STON2: variants seen among roughly 807,000 people sequenced by gnomAD.
STON2 encodes stonin-2.
In STON2, 29 loss-of-function variants were observed where a neutral mutation model predicts 65.7. That is an observed-to-expected ratio of 0.44 (90% CI 0.33 to 0.60). STON2 has a LOEUF of 0.60. Among genes scored for constraint, STON2 ranks in the 20% least tolerant of loss-of-function variants. STON2 has a pLI of 0.03. For synonymous variants in STON2, 404 were observed against 414.2 expected (o/e 0.98, Z 0.30); for missense variants, 1,054 against 1,118.1 (o/e 0.94, Z 0.82).
intron 3 of STON2, among the ~76,000 whole-genome samples, chr14:81,394,148 A>G (rs1048319675): frequency 7.2e-5 from 11 of 152,014 alleles, no homozygotes; most frequent in African/African-American, 2.7e-4. Context: ...CTGAGATTGC[A>G]CCACTGCACT....
At chr14:81,314,489 G>C (rs573847077) in intron 5 of STON2, among the ~76,000 whole-genome samples, 119 of 152,362 alleles carry the variant, frequency 7.8e-4, no homozygotes, top group Non-Finnish European at 1.0e-3. Context: ...CAGCAACAAA[G>C]AGTGAACCAG....
chr14:81,424,701 C>T lies in STON2; in HGVS notation c.-199+2401G>A, dbSNP rs201888702. On this transcript the variant is annotated intron_variant, in intron 2 of 8. Coordinates refer to the STON2 transcript ENST00000553821. ...ACAGGATCCTTTGACCTTGTGACTT[C>T]CTGGGCTCTCATCTCAGTGGCTAAG... 2.6e-5 allele frequency among the ~76,000 whole-genome samples: 4 copies of T among 152,238 alleles called. No individual in the cohort carries two copies. The East Asian group carries it at 7.7e-4, about 29-fold the overall frequency.
chr14:81,288,034 T>C (rs1183755539), intron 5 of STON2, among the ~76,000 whole-genome samples: 3 of 152,218 alleles, frequency 2.0e-5, no homozygotes, highest in African/African-American at 4.8e-5. Flanking sequence ...CTGGCATCTA[T>C]GGTAAACTGA....
At chr14:81,370,956 G>A (rs1898956874) in intron 4 of STON2, 32 bp downstream of exon 4, 2 of 1,599,988 alleles carry the variant, frequency 1.3e-6, no homozygotes, top group African/African-American at 2.7e-5. Flanking sequence ...AAAGTGATTT[G>A]CAAAGCCCTC....
chr14:81,333,632 C>T (rs1897281515), intron 4 of STON2, among the ~76,000 whole-genome samples: 1 of 152,182 alleles, frequency 6.6e-6, no homozygotes, highest in Non-Finnish European at 1.5e-5. Context: ...AACTTCCTCT[C>T]TAGACAGCAA....
At position 81,396,076 on chromosome 14, in the gene STON2, G is replaced by T. The variant is rs1208067426; in HGVS notation, c.191C>A (p.Ser64Tyr). The T allele has an allele frequency of 6.2e-7, 1 of 1,614,146 alleles. No individual in the cohort carries two copies. Residue 64 changes from serine (S) to tyrosine (Y), a missense_variant, in exon 3 of 8, where the codon TCC (serine) becomes TAC (tyrosine). By Grantham distance (144) the Ser-to-Tyr change is moderately radical. Coordinates refer to ENST00000614646, the MANE Select transcript of STON2 (RefSeq NM_001394390.1). ...HVVDGGSQDH[S>Y]HSEQDDSSEK... ...AGAGGAGTCATCCTGCTCCGAGTGG[G>T]AATGGTCTTGAGAGCCTCCATCCAC... is the stretch of plus-strand genomic sequence containing the variant.
intron 4 of STON2, among the ~76,000 whole-genome samples, chr14:81,355,992 C>A (rs1291034862): frequency 9.2e-5 from 14 of 152,008 alleles, no homozygotes; most frequent in Admixed American, 9.2e-4. Context: ...AATTGAATAC[C>A]CTTTATTTCC....
At chr14:81,303,918 A>G (rs1896069061) in intron 5 of STON2, among the ~76,000 whole-genome samples, 1 of 152,218 alleles carries the variant, frequency 6.6e-6, no homozygotes, top group South Asian at 2.1e-4. Context: ...GCATGTAACC[A>G]GCACCCAGAT....
At chr14:81,327,454 G>A (rs1897041036) in intron 4 of STON2, among the ~76,000 whole-genome samples, 1 of 152,082 alleles carries the variant, frequency 6.6e-6, no homozygotes, top group Non-Finnish European at 1.5e-5. Context: ...AGATTTAGAA[G>A]TTTGATCGCA....
At chr14:81,390,859 G>A (rs142130738) in intron 3 of STON2, among the ~76,000 whole-genome samples, 1,849 of 152,288 alleles carry the variant, frequency 0.012, 23 homozygotes, top group Non-Finnish European at 0.016. Flanking sequence ...TGCACTCCCC[G>A]CAGAGGCTTT....
chr14:81,423,272 A>G (rs539130731), intron 2 of STON2, among the ~76,000 whole-genome samples: 1 of 152,164 alleles, frequency 6.6e-6, no homozygotes, highest in Non-Finnish European at 1.5e-5. Flanking sequence ...CTTAGCCTTT[A>G]AACAAAAAAT....
At chr14:81,351,080 C>T (rs1898004590) in intron 4 of STON2, among the ~76,000 whole-genome samples, 1 of 151,872 alleles carries the variant, frequency 6.6e-6, no homozygotes, top group African/African-American at 2.4e-5. Context: ...TTCAGTAAAA[C>T]AGTTCAGAAT....
chr14:81,374,810 C>T (rs150021520), intron 3 of STON2, among the ~76,000 whole-genome samples: 124 of 151,642 alleles, frequency 8.2e-4, no homozygotes, highest in Non-Finnish European at 1.7e-3. Flanking sequence ...GGTAGAGGGG[C>T]AATATTTGAA....
intron 5 of STON2, 61 bp from the exon 6 acceptor site, chr14:81,278,800 G>T: frequency 7.7e-7 from 1 of 1,302,688 alleles, no homozygotes; most frequent in Non-Finnish European, 1.0e-6. Flanking sequence ...AAGGAAAACT[G>T]AAGTATAGGA....
intron 4 of STON2, among the ~76,000 whole-genome samples, chr14:81,360,568 A>G (rs1898447166): frequency 3.9e-5 from 6 of 152,212 alleles, no homozygotes; most frequent in Admixed American, 3.9e-4. Context: ...AGCTAACATT[A>G]TATTTAACAG....
At chr14:81,352,994 GAATA>G (rs1898082178) in intron 4 of STON2, among the ~76,000 whole-genome samples, 1 of 152,150 alleles carries the variant, frequency 6.6e-6, no homozygotes, top group Admixed American at 6.5e-5. Context: ...TCTCTGAGGT[GAATA>G]AATAGGGAAG....
intron 2 of STON2, among the ~76,000 whole-genome samples, chr14:81,419,995 G>T (rs1266449639): frequency 2.0e-5 from 3 of 152,168 alleles, no homozygotes; most frequent in African/African-American, 4.8e-5. Context: ...ATATGTACCT[G>T]CCAGCTCCCA....
chr14:81,364,842 G>A (rs946234928), intron 4 of STON2, among the ~76,000 whole-genome samples: 1 of 152,088 alleles, frequency 6.6e-6, no homozygotes, highest in Non-Finnish European at 1.5e-5. Context: ...AAACATCAGG[G>A]ATGCAGACGA....
At position 81,264,921 on chromosome 14, in the gene STON2, G is replaced by A; in HGVS notation, c.*3493C>T. On this transcript the variant is annotated 3_prime_UTR_variant, in exon 8 of 8. Transcript: ENST00000614646. ...TGAGTACATTTCTTATCTTTTTGCT[G>A]TAAAGTCAAAAAGCAGGCCCTAGAC... 1.0e-6 allele frequency: 1 copy of A among 985,284 alleles called. No homozygotes were observed. The highest frequency in any genetic ancestry group is 1.2e-6 in the Non-Finnish European group (1 of 829,898). 61.0% of individuals were successfully genotyped at this position (985,284 alleles called of 1,614,324 possible). A position where few individuals can be genotyped will look rare whatever the true frequency, so the allele number is the denominator to read the frequency against.
Sources: gnomAD v4.1 joint callset for allele counts (sites outside exome capture counted in the v4.1 genomes callset) on GRCh38, gnomAD v4.1.1 for gene constraint, MANE v1.5 for transcripts, NCBI Gene and HGNC (gene_info 2026-07-23, HGNC 2026-07-21) for gene names.